CEP128: variants seen among roughly 807,000 people sequenced by gnomAD.
CEP128 encodes centrosomal protein 128kDa.
A neutral mutation model predicts 156.7 loss-of-function variants in CEP128; 132 were observed. The ratio of observed to expected loss-of-function variants is 0.84; its 90% confidence interval spans 0.73 to 0.97. The LOEUF (loss-of-function observed/expected upper bound fraction) is 0.97, where lower values mean the gene tolerates loss of function less well. Ranked by LOEUF, CEP128 falls within the 50% of genes least tolerant of loss-of-function variation. The pLI is 0.00. For missense variants in CEP128, 1,252 were observed against 1,281.9 expected, an observed-to-expected ratio of 0.98 and a Z score of 0.36; for synonymous variants, 469 against 448.9, an observed-to-expected ratio of 1.04 and a Z score of -0.57.
rs73342522 is a variant in CEP128 at position 80,762,224 on chromosome 14, C to T, written c.2377-611G>A. On this transcript the variant is annotated intron_variant, in intron 16 of 24. Coordinates refer to ENST00000555265, the MANE Select transcript of CEP128 (RefSeq NM_152446.5). ...GAAAAGGGAGCCCTTTCAGAGATTA[C>T]AAGGACTTGGGGACCCACTCTAGGC... Among the ~76,000 whole-genome samples, 835 of 152,168 alleles carry T rather than the reference C, an allele frequency of 5.5e-3. 5 individuals carry two copies. Among genetic ancestry groups the T allele is most frequent in the African/African-American group, 0.018 (752 of 41,512 alleles).
At chr14:80,781,313 T>A (rs1176468695) in intron 15 of CEP128, among the ~76,000 whole-genome samples, 6 of 151,860 alleles carry the variant, frequency 4.0e-5, no homozygotes. Context: ...AAAAATTAGC[T>A]GGGCGTGGTG....
chr14:80,856,191 A>T (rs913599949), intron 9 of CEP128, among the ~76,000 whole-genome samples: 4 of 152,086 alleles, frequency 2.6e-5, no homozygotes, highest in African/African-American at 9.7e-5. Flanking sequence ...TTAATTTCTC[A>T]CTTAAACTTC....
chr14:80,649,131 T>C (rs1894785401), intron 19 of CEP128, among the ~76,000 whole-genome samples: 1 of 152,068 alleles, frequency 6.6e-6, no homozygotes, highest in Non-Finnish European at 1.5e-5. Flanking sequence ...GCAGGCAAGA[T>C]GCTGCAGTTG....
At chr14:80,957,575 AC>A (rs1886766870) in intron 2 of CEP128, among the ~76,000 whole-genome samples, 2 of 152,236 alleles carry the variant, frequency 1.3e-5, no homozygotes, top group Admixed American at 1.3e-4. Context: ...TTCTTCAGAG[AC>A]TTCTTTAACA....
rs148141581 is a variant in CEP128, at chr14:80,500,953, A to C, written c.3182-3371T>G. On this transcript the variant is annotated intron_variant, in intron 24 of 24. Coordinates refer to ENST00000555265, the MANE Select transcript of CEP128 (RefSeq NM_152446.5). ...ATTAATTGACTCTTGTTTTAATTTTATTTCTTTTTATTTGCTCTTTCTCTG... is the reference window on the plus strand; with the variant it reads ...ATTAATTGACTCTTGTTTTAATTTTCTTTCTTTTTATTTGCTCTTTCTCTG... Among the ~76,000 whole-genome samples, 1,287 of 149,940 alleles carry C rather than the reference A, an allele frequency of 8.6e-3. 3 individuals carry two copies. The highest frequency in any genetic ancestry group is 0.014 in the Non-Finnish European group (936 of 67,432).
intron 2 of CEP128, among the ~76,000 whole-genome samples, chr14:80,929,473 G>A (rs1029342928): frequency 8.5e-5 from 13 of 152,170 alleles, no homozygotes; most frequent in African/African-American, 3.1e-4. Flanking sequence ...CAACCTAAGT[G>A]CCCATCAACT....
Position 80,660,380 on chromosome 14 carries a change from C to CCATA in CEP128, c.2807-79961_2807-79958dup, listed in dbSNP as rs1277315863. Among the ~76,000 whole-genome samples the CCATA allele has an allele frequency of 2.0e-5, 3 of 152,098 alleles. No individual in the cohort carries two copies. In the East Asian group the frequency reaches 5.8e-4, roughly 29 times the overall value. ...TATTATGAGTTCTGAGATATAAATG[C>CCATA]CATAGGTGATATCAATCTTGAGAAA... On this transcript the variant is annotated intron_variant, in intron 19 of 24. Coordinates refer to ENST00000555265, the MANE Select transcript of CEP128 (RefSeq NM_152446.5).
chr14:80,827,993 C>G (rs1048400855), intron 13 of CEP128, among the ~76,000 whole-genome samples: 2 of 152,106 alleles, frequency 1.3e-5, no homozygotes, highest in African/African-American at 4.8e-5. Context: ...GATGTGAGGA[C>G]AAGACCTTGA....
At chr14:80,617,219 C>CCCTT (rs1893254041) in intron 19 of CEP128, among the ~76,000 whole-genome samples, 11 of 60,208 alleles carry the variant, frequency 1.8e-4, no homozygotes, top group Admixed American at 2.9e-4. Context: ...TGAATATCAT[C>CCCTT]TTTTTTTTTT....
intron 16 of CEP128, among the ~76,000 whole-genome samples, chr14:80,762,852 G>C (rs1405477759): frequency 6.6e-6 from 1 of 152,064 alleles, no homozygotes; most frequent in Non-Finnish European, 1.5e-5. Flanking sequence ...CCATCATCTG[G>C]GTCTGGATCT....
intron 2 of CEP128, among the ~76,000 whole-genome samples, chr14:80,957,061 TTC>T (rs1687779693): frequency 6.6e-6 from 1 of 152,148 alleles, no homozygotes; most frequent in African/African-American, 2.4e-5. Flanking sequence ...TGCTCCTCAT[TTC>T]TCTAACTTCC....
At chr14:80,776,357 G>T (rs1262992139) in intron 16 of CEP128, among the ~76,000 whole-genome samples, 1 of 151,622 alleles carries the variant, frequency 6.6e-6, no homozygotes, top group East Asian at 1.9e-4. Flanking sequence ...GCATGACATA[G>T]AACTAAATGA....
At chr14:80,932,422 T>C (rs182948613) in intron 2 of CEP128, among the ~76,000 whole-genome samples, 14 of 152,366 alleles carry the variant, frequency 9.2e-5, no homozygotes, top group Admixed American at 7.8e-4. Flanking sequence ...CTTAAAAGTA[T>C]GTCTGAGACA....
chr14:80,874,860 C>T (rs183469147), intron 8 of CEP128, among the ~76,000 whole-genome samples: 37 of 152,242 alleles, frequency 2.4e-4, no homozygotes, highest in African/African-American at 7.5e-4. Context: ...CCTCGTGATC[C>T]GCCCGCCTCA....
chr14:80,814,979 A>G (rs1481352174), intron 13 of CEP128, among the ~76,000 whole-genome samples: 1 of 152,156 alleles, frequency 6.6e-6, no homozygotes, highest in Non-Finnish European at 1.5e-5. Context: ...AATTGCTTGA[A>G]CCTGAGAGGC....
At chr14:80,898,547 A>G (rs539195952) in intron 7 of CEP128, among the ~76,000 whole-genome samples, 2 of 152,288 alleles carry the variant, frequency 1.3e-5, no homozygotes, top group East Asian at 3.9e-4. Flanking sequence ...CACCATTTAA[A>G]CTAATCAACT....
chr14:80,910,587 C>A (rs963216649), intron 4 of CEP128, among the ~76,000 whole-genome samples: 1 of 152,128 alleles, frequency 6.6e-6, no homozygotes, highest in Non-Finnish European at 1.5e-5. Context: ...GAGCAGATAC[C>A]AACATCATGC....
chr14:80,706,786 G>A (rs1897252190), intron 19 of CEP128, among the ~76,000 whole-genome samples: 2 of 151,922 alleles, frequency 1.3e-5, no homozygotes, highest in African/African-American at 4.8e-5. Flanking sequence ...TGAGTCTTTT[G>A]TTATTGTCCC....
chr14:80,880,907 TA>T (rs1225747013), intron 8 of CEP128, among the ~76,000 whole-genome samples: 3,796 of 113,976 alleles, frequency 0.033, 105 homozygotes, highest in Non-Finnish European at 0.046. Context: ...ATAATAATAA[TA>T]ATTTCAGTAA....
Sources: allele counts gnomAD v4.1 joint callset (sites outside exome capture counted in the v4.1 genomes callset), GRCh38; gene constraint gnomAD v4.1.1; transcripts MANE v1.5; gene names NCBI Gene and HGNC (gene_info 2026-07-23, HGNC 2026-07-21).